HTR1F: variants seen among roughly 807,000 people sequenced by gnomAD.
The protein encoded by HTR1F is 5-hydroxytryptamine (serotonin) receptor 1F, G protein-coupled.
Under a neutral mutation model 24.0 loss-of-function variants are expected in HTR1F, and 17 were observed. The observed-to-expected ratio is 0.71, with a 90% CI of 0.48 to 1.06. HTR1F has a LOEUF of 1.06. HTR1F is among the 50% of genes least tolerant of loss of function. HTR1F has a pLI of 0.00. For missense variants in HTR1F, 391 were observed against 427.8 expected, an observed-to-expected ratio of 0.91 and a Z score of 0.76; for synonymous variants, 186 against 156.8, an observed-to-expected ratio of 1.19 and a Z score of -1.39.
chr3:87,947,698 G>T (rs1187641778), intron 2 of HTR1F, among the ~76,000 whole-genome samples: 1 of 152,024 alleles, frequency 6.6e-6, no homozygotes, highest in African/African-American at 2.4e-5. Flanking sequence ...CCACTGTGGA[G>T]GATTTTGGGG....
chr3:87,802,043 CCCTT>C (rs1453097742), intron 1 of HTR1F, among the ~76,000 whole-genome samples: 11 of 136,266 alleles, frequency 8.1e-5, no homozygotes, highest in African/African-American at 1.5e-4. Flanking sequence ...TTCCCTCCCT[CCCTT>C]CCTTCCTTCC....
At chr3:87,852,506 C>T (rs1247648379) in intron 2 of HTR1F, among the ~76,000 whole-genome samples, 1 of 151,810 alleles carries the variant, frequency 6.6e-6, no homozygotes, top group African/African-American at 2.4e-5. Context: ...AAATAAATCA[C>T]ATTTTCTCCT....
At chr3:87,980,433 A>G (rs1368281654) in intron 2 of HTR1F, among the ~76,000 whole-genome samples, 1 of 152,170 alleles carries the variant, frequency 6.6e-6, no homozygotes, top group Non-Finnish European at 1.5e-5. Flanking sequence ...GGCTAAGTCC[A>G]GGGTTTTTAT....
At chr3:87,822,659 C>G (rs898592963) in intron 2 of HTR1F, among the ~76,000 whole-genome samples, 2 of 152,134 alleles carry the variant, frequency 1.3e-5, no homozygotes, top group African/African-American at 2.4e-5. Context: ...TTTTTAAGAA[C>G]AGCTACTGCT....
At chr3:87,829,814 CCT>C (rs1414254622) in intron 2 of HTR1F, among the ~76,000 whole-genome samples, 4 of 151,784 alleles carry the variant, frequency 2.6e-5, no homozygotes, top group Non-Finnish European at 4.4e-5. Context: ...TGTAATTTAC[CCT>C]GTTATGTAAT....
chr3:87,843,505 C>G (rs1704855387), intron 2 of HTR1F, among the ~76,000 whole-genome samples: 2 of 142,776 alleles, frequency 1.4e-5, no homozygotes, highest in Non-Finnish European at 1.5e-5. Context: ...TCCTGACTTT[C>G]TTTTTCTTTT....
At chr3:87,836,030 C>G (rs776673393) in intron 2 of HTR1F, among the ~76,000 whole-genome samples, 1 of 152,142 alleles carries the variant, frequency 6.6e-6, no homozygotes, top group Non-Finnish European at 1.5e-5. Context: ...TATAATAATT[C>G]TAGATATTAT....
chr3:87,893,646 A>G lies in HTR1F; in HGVS notation c.-43+71522A>G, dbSNP rs139183749. Among the ~76,000 whole-genome samples, 671 of 152,360 alleles carry G rather than the reference A, an allele frequency of 4.4e-3. 8 individuals are homozygous for G. Among genetic ancestry groups the G allele is most frequent in the African/African-American group, 0.015 (642 of 41,580 alleles). On this transcript the variant is annotated intron_variant, in intron 2 of 2. Transcript: ENST00000319595. ...GCCTGGGACTATTTAATGCTAGTGC[A>G]AATAACCTTATCCATGCCAATGGCT...
intron 2 of HTR1F, among the ~76,000 whole-genome samples, chr3:87,888,275 C>A (rs938767295): frequency 6.6e-6 from 1 of 152,024 alleles, no homozygotes; most frequent in African/African-American, 2.4e-5. Flanking sequence ...ACAATGAGAA[C>A]ACTTGGATAC....
chr3:87,822,280 T>C (rs1230083336), intron 2 of HTR1F, among the ~76,000 whole-genome samples, 156 bp downstream of exon 2: 3 of 152,164 alleles, frequency 2.0e-5, no homozygotes, highest in Admixed American at 2.0e-4. Context: ...CCACTGATCA[T>C]TGGTTCACTA....
intron 2 of HTR1F, among the ~76,000 whole-genome samples, chr3:87,957,391 C>G (rs956039878): frequency 6.6e-6 from 1 of 151,264 alleles, no homozygotes; most frequent in Non-Finnish European, 1.5e-5. Flanking sequence ...TTTAATTTCA[C>G]GGAGAGAGTG....
chr3:87,976,616 A>G (rs1705399949), intron 2 of HTR1F, among the ~76,000 whole-genome samples: 2 of 152,362 alleles, frequency 1.3e-5, no homozygotes, highest in South Asian at 2.1e-4. Flanking sequence ...TTTTCTAAAT[A>G]ATTTAACATA....
rs116015916 is a variant in HTR1F at position 87,982,701 on chromosome 3, T to C, written c.-42-8007T>C. On this transcript the variant is annotated intron_variant, in intron 2 of 2. Transcript: ENST00000319595. Reference sequence around the variant, plus strand: ...GTGGGCCCTAGTGAAGGTAAATTTCTAACCCTCAGAGGAGAGCACTCTGAT... The same window carrying C: ...GTGGGCCCTAGTGAAGGTAAATTTCCAACCCTCAGAGGAGAGCACTCTGAT... Among the ~76,000 whole-genome samples the C allele has an allele frequency of 3.3e-3, 495 of 152,300 alleles. 3 individuals carry two copies. The highest frequency in any genetic ancestry group is 0.011 in the African/African-American group (437 of 41,562).
chr3:87,954,167 T>C (rs1400016397), intron 2 of HTR1F, among the ~76,000 whole-genome samples: 2 of 151,758 alleles, frequency 1.3e-5, no homozygotes, highest in Non-Finnish European at 3.0e-5. Context: ...CAGCAATATA[T>C]TGTATATTTC....
At chr3:87,927,129 A>G (rs1454896861) in intron 2 of HTR1F, among the ~76,000 whole-genome samples, 1 of 152,140 alleles carries the variant, frequency 6.6e-6, no homozygotes, top group Non-Finnish European at 1.5e-5. Flanking sequence ...CTGTCAAACA[A>G]AAAACTAGTA....
At chr3:87,824,349 A>G (rs921080665) in intron 2 of HTR1F, among the ~76,000 whole-genome samples, 3 of 152,096 alleles carry the variant, frequency 2.0e-5, no homozygotes, top group African/African-American at 7.2e-5. Flanking sequence ...CATATCCCTA[A>G]TGATGCCCTT....
At chr3:87,850,575 T>G (rs1334963683) in intron 2 of HTR1F, among the ~76,000 whole-genome samples, 1 of 151,362 alleles carries the variant, frequency 6.6e-6, no homozygotes, top group Non-Finnish European at 1.5e-5. Context: ...ACCTGCACGT[T>G]GTGCACATGT....
intron 2 of HTR1F, among the ~76,000 whole-genome samples, chr3:87,841,924 A>AAG (rs1704816628): frequency 3.9e-5 from 2 of 51,700 alleles, no homozygotes; most frequent in African/African-American, 7.7e-4. Context: ...AAAGAAAAAG[A>AAG]AAAAAAAAAA....
At chr3:87,987,625 TATATA>T (rs1263284969) in intron 2 of HTR1F, among the ~76,000 whole-genome samples, 1 of 91,004 alleles carries the variant, frequency 1.1e-5, no homozygotes, top group East Asian at 2.9e-4. Flanking sequence ...AATATATATA[TATATA>T]ATATATGTAT....
Sources: allele counts gnomAD v4.1 joint callset (sites outside exome capture counted in the v4.1 genomes callset), GRCh38; gene constraint gnomAD v4.1.1; transcripts MANE v1.5; gene names NCBI Gene and HGNC (gene_info 2026-07-23, HGNC 2026-07-21).